The following CACNA1C variants were observed in gnomAD, a reference collection of about 807,000 sequenced individuals.
The protein encoded by CACNA1C is calcium voltage-gated channel subunit alpha1 C, also known as voltage-dependent L-type calcium channel subunit alpha-1C.
CACNA1C carries 30 observed loss-of-function variants against 229.0 expected under a neutral mutation model. The ratio of observed to expected loss-of-function variants is 0.13; its 90% CI spans 0.10 to 0.18. The LOEUF is 0.18. Ranked by LOEUF, CACNA1C falls within the 10% of genes least tolerant of loss-of-function variation. The pLI is 1.00. For synonymous variants in CACNA1C, 1,114 were observed against 1,132.5 expected (o/e 0.98, Z 0.33); for missense variants, 1,658 against 2,845.0 (o/e 0.58, Z 9.49).
At chr12:2,183,093 C>T (rs890641628) in intron 3 of CACNA1C, among the ~76,000 whole-genome samples, 19 of 151,882 alleles carry the variant, frequency 1.3e-4, no homozygotes, top group Non-Finnish European at 4.4e-5. Flanking sequence ...GGCTTGTCTC[C>T]GACTCCTGGC....
chr12:2,316,851 C>T (rs2095716319), intron 3 of CACNA1C, among the ~76,000 whole-genome samples: 1 of 152,168 alleles, frequency 6.6e-6, no homozygotes, highest in South Asian at 2.1e-4. Flanking sequence ...GGCCAGGGAC[C>T]TCGGGGAGAA....
intron 3 of CACNA1C, among the ~76,000 whole-genome samples, chr12:2,229,609 T>C (rs1029253471): frequency 3.9e-5 from 6 of 151,966 alleles, no homozygotes; most frequent in African/African-American, 1.5e-4. Flanking sequence ...GAGTGGAGGT[T>C]TACTTTTAAA....
intron 3 of CACNA1C, among the ~76,000 whole-genome samples, chr12:2,268,257 T>C (rs1047716101): frequency 6.6e-6 from 1 of 151,824 alleles, no homozygotes; most frequent in Admixed American, 6.6e-5. Flanking sequence ...AGGGGTGGGG[T>C]CGACAGCCAG....
chr12:2,356,852 G>T (rs1196007111), intron 3 of CACNA1C, among the ~76,000 whole-genome samples: 1 of 152,180 alleles, frequency 6.6e-6, no homozygotes, highest in Non-Finnish European at 1.5e-5. Flanking sequence ...CACAGATGAG[G>T]CCGCTGGGGC....
intron 1 of CACNA1C, among the ~76,000 whole-genome samples, chr12:2,059,314 A>C (rs2056518603): frequency 6.6e-6 from 1 of 151,560 alleles, no homozygotes; most frequent in African/African-American, 2.4e-5. Context: ...GTAGTCAGTT[A>C]CTCCTTGTGG....
intron 29 of CACNA1C, among the ~76,000 whole-genome samples, chr12:2,626,533 G>A (rs993903524): frequency 1.3e-5 from 2 of 152,194 alleles, no homozygotes; most frequent in East Asian, 3.8e-4. Context: ...AGTGCATGGT[G>A]CTGTTCATTT....
intron 6 of CACNA1C, among the ~76,000 whole-genome samples, chr12:2,489,017 G>C (rs576025587): frequency 2.6e-5 from 4 of 152,332 alleles, no homozygotes; most frequent in Non-Finnish European, 2.9e-5. Flanking sequence ...TGGAGTAGAA[G>C]ACCAAATACT....
At chr12:2,417,491 T>G (rs1027523161) in intron 3 of CACNA1C, among the ~76,000 whole-genome samples, 2 of 152,134 alleles carry the variant, frequency 1.3e-5, no homozygotes, top group African/African-American at 4.8e-5. Context: ...AGGCAGTTTG[T>G]TAAAAATTCC....
chr12:2,574,723 C>T (rs2057748332), intron 13 of CACNA1C, among the ~76,000 whole-genome samples: 1 of 152,236 alleles, frequency 6.6e-6, no homozygotes, highest in Admixed American at 6.5e-5. Context: ...GCTCTTCCAT[C>T]ACCTTCTAGC....
At position 2,679,450 on chromosome 12, in the gene CACNA1C, G is replaced by A. The variant is rs761966966; in HGVS notation, c.5098G>A (p.Gly1700Ser). ...CCCTCCTTCTTGCCTACAGAGGGCC[G>A]GTGGCCTGTTCGGCAACCACGTCAG... ...ASEDDIFRRA[G>S]GLFGNHVSYY... The change falls in exon 42 of 47, where the codon GGT becomes AGT. Residue 1700 changes from glycine (G) to serine (S), a missense_variant. By Grantham distance (56) the Gly-to-Ser change is moderately conservative. This residue lies in a region of CACNA1C where 590 missense variants were observed against 700.8 expected (regional missense o/e 0.84). Coordinates refer to ENST00000399655, the MANE Select transcript of CACNA1C (RefSeq NM_000719.7). The surrounding 1 kb of genome is among the most constrained non-coding windows in gnomAD (Gnocchi z 5.5). 1.2e-4 allele frequency: 191 copies of A among 1,560,548 alleles called. No individual in the cohort carries two copies. The highest frequency in any genetic ancestry group is 1.7e-4 in the Middle Eastern group (1 of 5,890).
chr12:2,265,264 C>A lies in CACNA1C; in HGVS notation c.477+144834C>A, dbSNP rs373344462. On this transcript the variant is annotated intron_variant, in intron 3 of 46. Transcript: ENST00000399655. ...GGCTATCTAGGTGAAGCACTCCCGACCCTCTGCTCCTCAACTGTAGTTGTG... is the reference window on the plus strand; with the variant it reads ...GGCTATCTAGGTGAAGCACTCCCGAACCTCTGCTCCTCAACTGTAGTTGTG... Among the ~76,000 whole-genome samples, 26 of 152,322 alleles carry A rather than the reference C, an allele frequency of 1.7e-4. No individual in the cohort carries two copies. In the East Asian group the frequency reaches 2.7e-3, roughly 16 times the overall value.
At chr12:2,187,390 G>C (rs1045255091) in intron 3 of CACNA1C, among the ~76,000 whole-genome samples, 2 of 152,154 alleles carry the variant, frequency 1.3e-5, no homozygotes, top group Non-Finnish European at 2.9e-5. Context: ...AATCAGCAAC[G>C]GCCAGGAAAT....
rs114783341 is a variant in CACNA1C at position 2,488,072 on chromosome 12, G to A, written c.916+1810G>A. Among the ~76,000 whole-genome samples, 2,452 of 152,292 alleles carry A rather than the reference G, an allele frequency of 0.016. 62 individuals are homozygous for A. The highest frequency in any genetic ancestry group is 0.056 in the African/African-American group (2,337 of 41,544). ...ATGGTGAGGCCCTCACTAACAAAATGGGGGAGAGCGAAATGGTAGAATTCA... is the reference window on the plus strand; with the variant it reads ...ATGGTGAGGCCCTCACTAACAAAATAGGGGAGAGCGAAATGGTAGAATTCA... On this transcript the variant is annotated intron_variant, in intron 6 of 46. Transcript: ENST00000399655. The surrounding 1 kb of genome is among the most constrained non-coding windows in gnomAD (Gnocchi z 4.0).
chr12:2,195,144 GC>G (rs1361318168), intron 3 of CACNA1C, among the ~76,000 whole-genome samples: 1 of 152,202 alleles, frequency 6.6e-6, no homozygotes, highest in Non-Finnish European at 1.5e-5. Flanking sequence ...CCCATGCCGT[GC>G]CTGGCACCTT....
At chr12:2,424,028 G>C (rs1191475495) in intron 3 of CACNA1C, among the ~76,000 whole-genome samples, 2 of 152,174 alleles carry the variant, frequency 1.3e-5, no homozygotes, top group Non-Finnish European at 2.9e-5. Flanking sequence ...TGCGATGTCA[G>C]TGTTTCTTCA....
intron 3 of CACNA1C, among the ~76,000 whole-genome samples, chr12:2,121,258 C>T (rs1018706546): frequency 6.6e-6 from 1 of 152,176 alleles, no homozygotes. Context: ...ACCGTCTTTC[C>T]CCTGCCGTCA....
intron 3 of CACNA1C, among the ~76,000 whole-genome samples, chr12:2,342,447 C>T (rs1359532350): frequency 6.6e-6 from 1 of 152,112 alleles, no homozygotes; most frequent in East Asian, 1.9e-4. Flanking sequence ...ATTGAATATC[C>T]ACAACTGGCA....
chr12:2,404,985 G>A (rs548696577), intron 3 of CACNA1C, among the ~76,000 whole-genome samples: 10 of 152,244 alleles, frequency 6.6e-5, no homozygotes, highest in African/African-American at 2.2e-4. Context: ...ACTGCACAAG[G>A]AACTTATTCT....
chr12:2,414,303 C>CTAG, intron 3 of CACNA1C, among the ~76,000 whole-genome samples: 1 of 152,334 alleles, frequency 6.6e-6, no homozygotes, highest in Non-Finnish European at 1.5e-5. Context: ...TTTAAAAGGA[C>CTAG]TAGCACTTAA....
Sources: allele counts gnomAD v4.1 joint callset (sites outside exome capture counted in the v4.1 genomes callset), GRCh38; gene constraint gnomAD v4.1.1; regional missense constraint gnomAD v4.1.1; non-coding constraint Gnocchi (gnomAD v3.1); transcripts MANE v1.5; gene names NCBI Gene and HGNC (gene_info 2026-07-23, HGNC 2026-07-21).